Variants in PAAF1 observed in about 807,000 individuals in gnomAD.
PAAF1 encodes the protein proteasomal ATPase associated factor 1.
PAAF1 carries 46 observed loss-of-function variants against 52.8 expected under a neutral mutation model. That is an observed-to-expected ratio of 0.87 (90% CI 0.69 to 1.11). The LOEUF (loss-of-function observed/expected upper bound fraction) is 1.11. PAAF1 is among the 50% of genes most tolerant of loss of function. The probability of loss-of-function intolerance (pLI) is 0.00; values close to 1 mark genes in which losing one functional copy is unlikely to be tolerated. For missense variants in PAAF1, 424 were observed against 477.4 expected (o/e 0.89, Z 1.04); for synonymous variants, 178 against 172.8 (o/e 1.03, Z -0.24).
intron 10 of PAAF1, among the ~76,000 whole-genome samples, chr11:73,919,542 G>A (rs141765642): frequency 1.0e-3 from 155 of 152,320 alleles, no homozygotes; most frequent in Middle Eastern, 3.4e-3. Context: ...AGGCAAGCGG[G>A]GGCAAAAGAA....
intron 10 of PAAF1, chr11:73,922,321 C>G (rs551867226): frequency 2.6e-6 from 1 of 385,800 alleles, no homozygotes; most frequent in Admixed American, 3.5e-5. Context: ...GATTATAACT[C>G]TGTTTTCAGA....
At chr11:73,919,070 T>C (rs1446817969) in intron 10 of PAAF1, 38 bp downstream of exon 10, 1 of 1,527,710 alleles carries the variant, frequency 6.5e-7, no homozygotes, top group East Asian at 2.3e-5. Context: ...TGCTTCTCTG[T>C]AGTTCAGTTA....
intron 7 of PAAF1, among the ~76,000 whole-genome samples, chr11:73,912,651 T>C (rs541606326): frequency 6.6e-6 from 1 of 152,356 alleles, no homozygotes; most frequent in East Asian, 1.9e-4. Flanking sequence ...AAGAAAATCA[T>C]AAGTCATGTC....
At chr11:73,881,976 G>A (rs2135125425) in intron 2 of PAAF1, among the ~76,000 whole-genome samples, 1 of 152,226 alleles carries the variant, frequency 6.6e-6, no homozygotes, top group East Asian at 1.9e-4. Context: ...CCAGATTCAA[G>A]CAATTCTCCT....
At chr11:73,908,218 A>AATAT (rs996896692) in intron 6 of PAAF1, among the ~76,000 whole-genome samples, 1 of 149,480 alleles carries the variant, frequency 6.7e-6, no homozygotes, top group East Asian at 2.0e-4. Flanking sequence ...TATGTAAATA[A>AATAT]ATATATATAT....
intron 4 of PAAF1, among the ~76,000 whole-genome samples, chr11:73,896,612 G>A (rs1220461414): frequency 1.3e-5 from 2 of 151,894 alleles, no homozygotes; most frequent in East Asian, 1.9e-4. Flanking sequence ...CACAGGGTTG[G>A]GGGTAAGGTC....
chr11:73,878,745 G>A (rs1948814401), intron 1 of PAAF1, 34 bp from the exon 2 acceptor site: 23 of 1,605,306 alleles, frequency 1.4e-5, no homozygotes, highest in East Asian at 2.2e-5. Flanking sequence ...TCAACTTTGG[G>A]TAAGCCTAAT....
At chr11:73,907,712 C>G (rs1949800897) in intron 6 of PAAF1, among the ~76,000 whole-genome samples, 1 of 152,142 alleles carries the variant, frequency 6.6e-6, no homozygotes, top group African/African-American at 2.4e-5. Flanking sequence ...GGTAGATGAT[C>G]ACCTCCTGTT....
In PAAF1 at chr11:73,926,138, C is replaced by T. The variant is rs554785475; in HGVS notation, c.1102-1147C>T. Among the ~76,000 whole-genome samples, 123 of 151,514 alleles carry T rather than the reference C, an allele frequency of 8.1e-4. 4 individuals carry two copies. The South Asian group carries it at 0.025, about 30-fold the overall frequency. ...TTCTTTTTTTTGAGATGGAGTTTCG[C>T]TCTTGTTGCCCAGGCTGGAGTGCAA... On this transcript the variant is annotated intron_variant, in intron 11 of 11. Coordinates refer to ENST00000310571, the MANE Select transcript of PAAF1 (RefSeq NM_025155.3).
At chr11:73,896,748 T>C (rs1283552759) in intron 4 of PAAF1, among the ~76,000 whole-genome samples, 1 of 152,182 alleles carries the variant, frequency 6.6e-6, no homozygotes, top group Non-Finnish European at 1.5e-5. Flanking sequence ...TTCCCCACCT[T>C]TCCCCCCTTT....
chr11:73,927,208 T>C (rs1017236406), intron 11 of PAAF1, 77 bp from the exon 12 acceptor site: 59 of 1,042,036 alleles, frequency 5.7e-5, no homozygotes, highest in Non-Finnish European at 8.7e-5. Context: ...GACTAGTGTG[T>C]GTCAATCATA....
chr11:73,917,359 GT>G (rs1950096727), intron 9 of PAAF1, among the ~76,000 whole-genome samples: 3 of 152,246 alleles, frequency 2.0e-5, no homozygotes, highest in Admixed American at 2.0e-4. Context: ...AGCTCTGTTA[GT>G]TATGTAGTTT....
At chr11:73,925,663 A>G (rs1332839800) in intron 11 of PAAF1, among the ~76,000 whole-genome samples, 1 of 152,186 alleles carries the variant, frequency 6.6e-6, no homozygotes, top group Non-Finnish European at 1.5e-5. Context: ...AAATAGAGAA[A>G]AACAAAAGGG....
chr11:73,916,552 T>C lies in PAAF1; in HGVS notation c.827T>C (p.Leu276Pro). 1.2e-6 allele frequency: 2 copies of C among 1,611,682 alleles called. No individual in the cohort carries two copies. Among genetic ancestry groups the C allele is most frequent in the Non-Finnish European group, 1.7e-6 (2 of 1,178,562 alleles). The change falls in exon 9 of 12, where the codon CTC becomes CCC. Residue 276 changes from leucine to proline, a missense_variant. By Grantham distance (98) the Leu-to-Pro change is moderately conservative. Transcript: ENST00000310571. ...CCTCCTACTTGTTCCCAGGTGTTCC[T>C]CTTTATTGGCTCAGACGCTTTCAAC... ...LGLQSRQLVF[L>P]FIGSDAFNCC...
intron 6 of PAAF1, among the ~76,000 whole-genome samples, chr11:73,903,259 G>A (rs1324886105): frequency 6.6e-6 from 1 of 152,202 alleles, no homozygotes; most frequent in Non-Finnish European, 1.5e-5. Flanking sequence ...CCCCAGGTTT[G>A]GGGTTGCCCA....
chr11:73,899,328 GC>G, intron 5 of PAAF1, 84 bp downstream of exon 5: 1 of 956,040 alleles, frequency 1.0e-6, no homozygotes, highest in Non-Finnish European at 1.6e-6. Context: ...AGGAAGAATG[GC>G]CCATTCTAAA....
chr11:73,901,870 C>CTTTTTT (rs35218096), intron 6 of PAAF1, among the ~76,000 whole-genome samples: 6 of 128,198 alleles, frequency 4.7e-5, no homozygotes, highest in Non-Finnish European at 3.3e-5. Flanking sequence ...TGCGCCTTGC[C>CTTTTTT]TTTTTTTTTT....
chr11:73,877,031 C>A lies in PAAF1; in HGVS notation c.10C>A (p.Pro4Thr), dbSNP rs1019996232. The stretch of plus-strand genomic sequence containing the variant: ...TGGAGGCGGGGTCGAGATGGCGGCG[C>A]CTTTGAGGATTCAGAGCGACTGGGC... MAAPLRIQSDWAQA... is the reference protein window; with the variant it reads MAATLRIQSDWAQA... Residue 4 changes from proline (P) to threonine (T), a missense_variant, in exon 1 of 12, where the codon CCT becomes ACT. Pro to Thr is a conservative substitution (Grantham distance 38). Transcript: ENST00000310571. 3 of 1,534,182 alleles carry A rather than the reference C, an allele frequency of 2.0e-6. No individual in the cohort carries two copies. Among genetic ancestry groups the A allele is most frequent in the Non-Finnish European group, 2.6e-6 (3 of 1,137,936 alleles).
chr11:73,906,122 TGATA>T (rs1196022403), intron 6 of PAAF1, among the ~76,000 whole-genome samples: 1 of 152,206 alleles, frequency 6.6e-6, no homozygotes, highest in Non-Finnish European at 1.5e-5. Context: ...CATATGGGCT[TGATA>T]GATCTGTTTT....
Sources: gnomAD v4.1 joint callset for allele counts (sites outside exome capture counted in the v4.1 genomes callset) on GRCh38, gnomAD v4.1.1 for gene constraint, MANE v1.5 for transcripts, NCBI Gene and HGNC (gene_info 2026-07-23, HGNC 2026-07-21) for gene names.